The following CCDC14 variants were observed in gnomAD, a reference collection of about 807,000 sequenced individuals.
CCDC14 encodes coiled-coil domain containing 14.
In CCDC14, 71 loss-of-function variants were observed where a neutral mutation model predicts 81.4. The observed-to-expected ratio is 0.87, with a 90% CI of 0.72 to 1.06. The LOEUF (loss-of-function observed/expected upper bound fraction) is 1.06, where lower values mean the gene tolerates loss of function less well. Ranked by LOEUF, CCDC14 falls within the 50% of genes least tolerant of loss-of-function variation. CCDC14 has a pLI of 0.00. For missense variants in CCDC14, 1,046 were observed against 1,047.3 expected (o/e 1.00, Z 0.02); for synonymous variants, 332 against 364.8 (o/e 0.91, Z 1.03).
chr3:123,933,129 C>CAAACAAA (rs60220911), intron 10 of CCDC14, among the ~76,000 whole-genome samples: 38 of 150,732 alleles, frequency 2.5e-4, no homozygotes, highest in Non-Finnish European at 3.5e-4. Flanking sequence ...AACAAACAAA[C>CAAACAAA]AAAGCTGACA....
intron 12 of CCDC14, among the ~76,000 whole-genome samples, chr3:123,919,376 G>C (rs915642716): frequency 6.6e-6 from 1 of 152,178 alleles, no homozygotes; most frequent in Non-Finnish European, 1.5e-5. Context: ...GCATACTGTG[G>C]AGGAATCTCC....
At position 123,955,908 on chromosome 3, in the gene CCDC14, C is replaced by T; in HGVS notation, c.287G>A (p.Arg96Lys). The change falls in exon 5 of 13, where the codon AGA becomes AAA. Residue 96 changes from arginine to lysine, a missense_variant. Arg to Lys is a conservative substitution (Grantham distance 26, BLOSUM62 2). Coordinates refer to ENST00000409697, the MANE Select transcript of CCDC14 (RefSeq NM_001366335.1). ...RSNSRPLESK[R>K]YGSKKKRHEK... Reference sequence around the variant, plus strand: ...ATGTCTTTTCTTTTTTGATCCGTATCTTTTGCTTTCTAAAGGTCTAGAATT... The same window carrying T: ...ATGTCTTTTCTTTTTTGATCCGTATTTTTTGCTTTCTAAAGGTCTAGAATT... 6.5e-7 allele frequency: 1 copy of T among 1,537,346 alleles called. No homozygotes were observed. The highest frequency in any genetic ancestry group is 8.8e-7 in the Non-Finnish European group (1 of 1,137,880).
intron 1 of CCDC14, among the ~76,000 whole-genome samples, chr3:123,959,812 C>T (rs963069417): frequency 4.6e-5 from 6 of 129,098 alleles, no homozygotes; most frequent in African/African-American, 2.0e-4. Context: ...AGTCATAATA[C>T]CTAGATATTT....
At chr3:123,952,853 G>A (rs767812382) in intron 5 of CCDC14, 11 of 213,594 alleles carry the variant, frequency 5.1e-5, no homozygotes, top group Non-Finnish European at 9.4e-5. Flanking sequence ...GAGCATTGTG[G>A]TAACAAAGCA....
chr3:123,944,724 G>A, intron 9 of CCDC14, 125 bp downstream of exon 9: 2 of 601,910 alleles, frequency 3.3e-6, no homozygotes, highest in Non-Finnish European at 5.3e-6. Context: ...AGGAAGAAAA[G>A]TAGAAATACA....
intron 12 of CCDC14, among the ~76,000 whole-genome samples, chr3:123,917,319 C>A (rs2034766023): frequency 6.6e-6 from 1 of 150,780 alleles, no homozygotes; most frequent in East Asian, 2.0e-4. Context: ...CATGGTGAAA[C>A]CCCATCTCTA....
Position 123,931,136 on chromosome 3 carries a change from C to A in CCDC14, c.1744G>T (p.Asp582Tyr). Residue 582 changes from aspartate (D) to tyrosine (Y), a missense_variant, in exon 12 of 13, where the codon GAT becomes TAT. Physicochemically the swap from Asp to Tyr is radical, Grantham distance 160 (BLOSUM62 -3). Transcript: ENST00000409697. ...TCTCTTAGTCGAGTCACCTCAGCAT[C>A]ACGCTGACGTAATGTTATCCCCAAT... ...QILGITLRQR[D>Y]AEVTRLRELT... The A allele has an allele frequency of 6.2e-7, 1 of 1,606,184 alleles. No individual in the cohort carries two copies. The highest frequency in any genetic ancestry group is 8.5e-7 in the Non-Finnish European group (1 of 1,177,866).
At position 123,913,439 on chromosome 3, in the gene CCDC14, T is replaced by C; in HGVS notation, c.*1340A>G. On this transcript the variant is annotated 3_prime_UTR_variant, in exon 13 of 13. Transcript: ENST00000409697. ...TGACACAATTTTTTTCCTTTTTTAT[T>C]ATTTTTTATTTCTGAACTTATTTGT... The C allele has an allele frequency of 3.1e-6, 3 of 980,798 alleles. No homozygotes were observed. The highest frequency in any genetic ancestry group is 3.6e-6 in the Non-Finnish European group (3 of 825,828). The allele number at this position is 980,798 out of a possible 1,614,324, so 60.8% of individuals were successfully genotyped here.
intron 12 of CCDC14, among the ~76,000 whole-genome samples, chr3:123,925,143 C>CA (rs201532758): frequency 8.9e-4 from 128 of 144,334 alleles, no homozygotes; most frequent in Non-Finnish European, 1.3e-3. Flanking sequence ...AAAAAAAAAA[C>CA]AAAAAAAAAC....
chr3:123,906,474 G>C (rs2034314289), intron 5 of CCDC14, among the ~76,000 whole-genome samples: 1 of 149,542 alleles, frequency 6.7e-6, no homozygotes, highest in Non-Finnish European at 1.5e-5. Context: ...AAGTGTAATA[G>C]AAATCATAGG....
rs761660866 is a variant in CCDC14, at chr3:123,933,097, A to AAAAC, written c.1426+572_1426+575dup. Among the ~76,000 whole-genome samples the AAAAC allele has an allele frequency of 7.9e-3, 593 of 75,298 alleles. 2 individuals carry two copies. The highest frequency in any genetic ancestry group is 0.027 in the African/African-American group (386 of 14,358). 49.4% of individuals were successfully genotyped at this position (75,298 alleles called of 152,430 possible). A position where few individuals can be genotyped will look rare whatever the true frequency, so the allele number is the denominator to read the frequency against. On this transcript the variant is annotated intron_variant, in intron 10 of 12. Coordinates refer to ENST00000409697, the MANE Select transcript of CCDC14 (RefSeq NM_001366335.1). ...CTGGGCCACAGAGTGACGCCGTCTCAAAACAAACAAACAAACAAACAAACA... is the reference window on the plus strand; with the variant it reads ...CTGGGCCACAGAGTGACGCCGTCTCAAAACAAACAAACAAACAAACAAACAAACA...
At chr3:123,908,679 G>C (rs1171518514), downstream of CCDC14, among the ~76,000 whole-genome samples, 3 of 152,138 alleles carry the variant, frequency 2.0e-5, no homozygotes, top group African/African-American at 7.2e-5. Flanking sequence ...TGCTTTAAGT[G>C]TTTTGTCATC....
downstream of CCDC14, among the ~76,000 whole-genome samples, chr3:123,909,115 A>G (rs1293005043): frequency 6.6e-6 from 1 of 152,004 alleles, no homozygotes; most frequent in African/African-American, 2.4e-5. Flanking sequence ...CTTTTAAAAT[A>G]TTTGAATCTG....
Position 123,915,063 on chromosome 3 carries a change from T to C in CCDC14, c.2434A>G (p.Ile812Val). The C allele has an allele frequency of 1.2e-6, 2 of 1,614,008 alleles. No individual in the cohort carries two copies. The highest frequency in any genetic ancestry group is 1.7e-6 in the Non-Finnish European group (2 of 1,179,884). Residue 812 changes from isoleucine (I) to valine (V), a missense_variant, in exon 13 of 13, where the codon ATA (isoleucine) becomes GTA (valine). By Grantham distance (29) the Ile-to-Val change is conservative. Transcript: ENST00000409697. ...DMKDTQLLKK[I>V]KEAIGKIPAA... is the part of the protein sequence containing the mutation. ...GGGATCTTACCAATTGCTTCCTTTA[T>C]TTTCTTGAGGAGCTGTGTGTCCTTC...
chr3:123,918,615 G>A (rs749731973), intron 12 of CCDC14, among the ~76,000 whole-genome samples: 1 of 152,170 alleles, frequency 6.6e-6, no homozygotes. Flanking sequence ...ACACAGAGAG[G>A]AGTCCCCTGG....
chr3:123,935,584 G>A (rs939293075), intron 9 of CCDC14, among the ~76,000 whole-genome samples: 2 of 152,162 alleles, frequency 1.3e-5, no homozygotes, highest in Non-Finnish European at 1.5e-5. Flanking sequence ...TAAAAAAAGC[G>A]AGAGGTCCAC....
chr3:123,952,520 C>A, intron 5 of CCDC14: 1 of 457,262 alleles, frequency 2.2e-6, no homozygotes, highest in South Asian at 1.7e-5. Context: ...CAGAAGCACT[C>A]TCAAATAAGC....
At chr3:123,955,822 A>T (rs1413711304) in intron 5 of CCDC14, 21 bp downstream of exon 5, 1 of 1,478,294 alleles carries the variant, frequency 6.8e-7, no homozygotes. Context: ...TCTTTAAATA[A>T]CTAAGAGAAA....
At chr3:123,941,324 A>G (rs1308863437) in intron 9 of CCDC14, among the ~76,000 whole-genome samples, 1 of 152,044 alleles carries the variant, frequency 6.6e-6, no homozygotes, top group Non-Finnish European at 1.5e-5. Flanking sequence ...TATCATAGAA[A>G]CGATGCATCT....
Sources: allele counts gnomAD v4.1 joint callset (sites outside exome capture counted in the v4.1 genomes callset), GRCh38; gene constraint gnomAD v4.1.1; transcripts MANE v1.5; gene names NCBI Gene and HGNC (gene_info 2026-07-23, HGNC 2026-07-21).